EDN3: variants seen among roughly 807,000 people sequenced by gnomAD.
EDN3 encodes the protein endothelin 3.
A neutral mutation model predicts 21.4 loss-of-function variants in EDN3; 9 were observed. The ratio of observed to expected loss-of-function variants is 0.42; its 90% confidence interval spans 0.25 to 0.73. The LOEUF (loss-of-function observed/expected upper bound fraction) is 0.73, where lower values mean the gene tolerates loss of function less well. Among genes scored for constraint, EDN3 ranks in the 30% least tolerant of loss-of-function variants. EDN3 has a pLI of 0.26. For missense variants in EDN3, 327 were observed against 309.4 expected, an observed-to-expected ratio of 1.06 and a Z score of -0.43; for synonymous variants, 133 against 126.2, an observed-to-expected ratio of 1.05 and a Z score of -0.36.
intron 4 of EDN3, among the ~76,000 whole-genome samples, chr20:59,323,230 C>T (rs902430009): frequency 7.2e-5 from 11 of 152,002 alleles, no homozygotes; most frequent in Middle Eastern, 3.2e-3. Context: ...AAAAATGGAG[C>T]GGGAGGAGGA....
intron 3 of EDN3, among the ~76,000 whole-genome samples, chr20:59,321,635 A>G (rs1990556634): frequency 2.0e-5 from 3 of 152,320 alleles, no homozygotes; most frequent in South Asian, 2.1e-4. Context: ...ACGTAGGACC[A>G]TCTGGTCTCA....
intron 4 of EDN3, chr20:59,323,718 T>C (rs562678587): frequency 8.2e-5 from 33 of 400,794 alleles, no homozygotes; most frequent in African/African-American, 3.1e-4. Flanking sequence ...GGGAAAGGGA[T>C]TTCAGGTAGG....
intron 2 of EDN3, among the ~76,000 whole-genome samples, chr20:59,318,587 C>T (rs887401958): frequency 1.3e-5 from 2 of 152,164 alleles, no homozygotes; most frequent in Admixed American, 6.5e-5. Flanking sequence ...ACTGCACACC[C>T]GGAAGGCCCA....
chr20:59,317,283 C>A (rs779509503), intron 2 of EDN3, among the ~76,000 whole-genome samples: 15 of 152,150 alleles, frequency 9.9e-5, no homozygotes, highest in Non-Finnish European at 2.1e-4. Flanking sequence ...AATGAGGTGA[C>A]CTGTGGCCTT....
chr20:59,316,007 A>G (rs1483506381), intron 2 of EDN3, among the ~76,000 whole-genome samples: 1 of 152,096 alleles, frequency 6.6e-6, no homozygotes, highest in East Asian at 1.9e-4. Flanking sequence ...AACATGGTGA[A>G]ACCCTGTCTC....
At chr20:59,318,510 T>C (rs1990326874) in intron 2 of EDN3, among the ~76,000 whole-genome samples, 1 of 152,354 alleles carries the variant, frequency 6.6e-6, no homozygotes, top group Middle Eastern at 3.4e-3. Flanking sequence ...TTCCAGACTC[T>C]ACAATGTCAG....
intron 2 of EDN3, among the ~76,000 whole-genome samples, chr20:59,311,329 A>T (rs1989796012): frequency 6.6e-6 from 1 of 152,246 alleles, no homozygotes; most frequent in Admixed American, 6.5e-5. Context: ...GTAAAGCGAA[A>T]GCAAATGTAT....
chr20:59,320,428 A>G (rs943833835), intron 2 of EDN3, among the ~76,000 whole-genome samples: 1 of 152,264 alleles, frequency 6.6e-6, no homozygotes, highest in Non-Finnish European at 1.5e-5. Flanking sequence ...GCGAAGACCC[A>G]GACCAGCACG....
Position 59,322,594 on chromosome 20 carries a change from G to A in EDN3, c.588+177G>A. On this transcript the variant is annotated intron_variant, in intron 4 of 4. Transcript: ENST00000337938. This position sits in a 1 kb window ranked among gnomAD's most constrained non-coding sequence, Gnocchi z 4.1. ...TGGTGCCTTTGGTGGACCGTTTCTG[G>A]GGGCAGAGCGGGCTGAAGCTGTGGA... 1.2e-6 allele frequency: 1 copy of A among 856,128 alleles called. No individual in the cohort carries two copies. The highest frequency in any genetic ancestry group is 1.9e-6 in the Non-Finnish European group (1 of 520,482). The allele number at this position is 856,128 out of a possible 1,614,324, so 53.0% of individuals were successfully genotyped here.
rs1429767310 is a variant in EDN3, at chr20:59,306,701, G to T, written c.365+4979G>T. 2.0e-5 allele frequency among the ~76,000 whole-genome samples: 3 copies of T among 150,254 alleles called. No homozygotes were observed. The East Asian group carries it at 5.9e-4, about 29-fold the overall frequency. ...ATCACAGATTCTGGCTTTGCCTTCT[G>T]TGTTCTTCAAGAAAGGCATCTTGGC... is the stretch of plus-strand genomic sequence containing the variant. On this transcript the variant is annotated intron_variant, in intron 2 of 4. Transcript: ENST00000337938.
At chr20:59,320,888 T>A (rs1024686220) in intron 2 of EDN3, 129 bp from the exon 3 acceptor site, 3 of 913,814 alleles carry the variant, frequency 3.3e-6, no homozygotes, top group African/African-American at 3.3e-5. Context: ...AGAGCTGTAG[T>A]GGGGAGGGTT....
chr20:59,303,846 T>TC (rs1158027641), intron 2 of EDN3, among the ~76,000 whole-genome samples: 1 of 151,684 alleles, frequency 6.6e-6, no homozygotes, highest in African/African-American at 2.4e-5. Context: ...TTCCCTTCCT[T>TC]CCCGACACTG....
chr20:59,313,354 G>A (rs759323331), intron 2 of EDN3, among the ~76,000 whole-genome samples: 2 of 152,190 alleles, frequency 1.3e-5, no homozygotes, highest in Non-Finnish European at 2.9e-5. Flanking sequence ...TGAGCCAGGG[G>A]GTTGTGCCTG....
At chr20:59,309,263 C>T (rs1989638462) in intron 2 of EDN3, among the ~76,000 whole-genome samples, 1 of 152,276 alleles carries the variant, frequency 6.6e-6, no homozygotes, top group South Asian at 2.1e-4. Flanking sequence ...GATCTGTTTA[C>T]CTCTTTGTTA....
intron 2 of EDN3, 24 bp downstream of exon 2, chr20:59,301,746 G>A (rs1989057732): frequency 5.0e-6 from 8 of 1,613,316 alleles, no homozygotes; most frequent in South Asian, 1.1e-5. Flanking sequence ...TTGTGGTGAG[G>A]AACGTGGCTC....
At chr20:59,314,878 C>T (rs920697495) in intron 2 of EDN3, among the ~76,000 whole-genome samples, 11 of 152,180 alleles carry the variant, frequency 7.2e-5, no homozygotes, top group Non-Finnish European at 1.6e-4. Flanking sequence ...ATGTGTTGTG[C>T]GTAGCAGTGT....
chr20:59,324,469 C>G lies in EDN3; in HGVS notation c.*10C>G. On this transcript the variant is annotated 3_prime_UTR_variant, in exon 5 of 5. Transcript: ENST00000337938. ...GGAAGGAGCCCCTTAGGAGGACAGG[C>G]CTGCAGCATCCTGGTCTCGGGAGGC... 6.2e-7 allele frequency: 1 copy of G among 1,614,006 alleles called. No homozygotes were observed. Among genetic ancestry groups the G allele is most frequent in the Non-Finnish European group, 8.5e-7 (1 of 1,180,000 alleles).
In EDN3 at chr20:59,322,494, G is replaced by A. The variant is rs944091380; in HGVS notation, c.588+77G>A. The A allele has an allele frequency of 3.1e-6, 5 of 1,588,894 alleles. No individual in the cohort carries two copies. The highest frequency in any genetic ancestry group is 1.3e-5 in the African/African-American group (1 of 74,320). ...TCATTCCTTCGGGGGTGGGTGGAGG[G>A]TGTTTTGAGGGGATGGCATCTGGTC... On this transcript the variant is annotated intron_variant, in intron 4 of 4. Coordinates refer to ENST00000337938, the MANE Select transcript of EDN3 (RefSeq NM_207034.3). This position sits in a 1 kb window ranked among gnomAD's most constrained non-coding sequence, Gnocchi z 4.1.
chr20:59,315,992 T>C (rs1295341376), intron 2 of EDN3, among the ~76,000 whole-genome samples: 1 of 152,116 alleles, frequency 6.6e-6, no homozygotes, highest in Non-Finnish European at 1.5e-5. Context: ...GAGACCATTC[T>C]GGCCAACATG....
Sources: gnomAD v4.1 joint callset for allele counts (sites outside exome capture counted in the v4.1 genomes callset) on GRCh38, gnomAD v4.1.1 for gene constraint, Gnocchi (gnomAD v3.1) non-coding constraint, MANE v1.5 for transcripts, NCBI Gene and HGNC (gene_info 2026-07-23, HGNC 2026-07-21) for gene names.